The following SEMA3D variants were observed in gnomAD, a reference collection of about 807,000 sequenced individuals.
SEMA3D encodes the protein semaphorin 3D.
A neutral mutation model predicts 100.1 loss-of-function variants in SEMA3D; 84 were observed. That is an observed-to-expected ratio of 0.84 (90% CI 0.70 to 1.01). The LOEUF (loss-of-function observed/expected upper bound fraction) is 1.01. Among genes scored for constraint, SEMA3D ranks in the 50% least tolerant of loss-of-function variants. SEMA3D has a pLI of 0.00. For synonymous variants in SEMA3D, 312 were observed against 320.7 expected (o/e 0.97, Z 0.29); for missense variants, 875 against 934.1 (o/e 0.94, Z 0.82).
At chr7:85,145,641 C>T (rs116457728) in intron 2 of SEMA3D, among the ~76,000 whole-genome samples, 311 of 152,084 alleles carry the variant, frequency 2.0e-3, no homozygotes, top group African/African-American at 7.3e-3. Context: ...AAAAAAAAAT[C>T]TGGTGGAAAG....
At chr7:85,135,656 A>AAAAT (rs201274421) in intron 2 of SEMA3D, among the ~76,000 whole-genome samples, 36,312 of 147,398 alleles carry the variant, frequency 0.25, 4,645 homozygotes, top group East Asian at 0.37. Context: ...TAAGTATAAT[A>AAAAT]AAATAAATAA....
chr7:85,169,714 T>A (rs936715974), intron 1 of SEMA3D, among the ~76,000 whole-genome samples: 1 of 151,798 alleles, frequency 6.6e-6, no homozygotes, highest in Non-Finnish European at 1.5e-5. Flanking sequence ...AAAAATATTT[T>A]ACTGATGCTA....
chr7:85,150,441 G>GAT (rs1202578900), intron 2 of SEMA3D, among the ~76,000 whole-genome samples: 7 of 128,508 alleles, frequency 5.4e-5, no homozygotes, highest in South Asian at 2.5e-4. Context: ...TATTTACAGG[G>GAT]ATATATATAT....
chr7:85,127,804 C>T (rs886263597), intron 2 of SEMA3D, among the ~76,000 whole-genome samples: 3 of 152,216 alleles, frequency 2.0e-5, no homozygotes, highest in Admixed American at 6.5e-5. Flanking sequence ...TCAGATTAAT[C>T]GACAGCCCAA....
At chr7:85,042,412 T>G (rs1790889963) in intron 9 of SEMA3D, 127 bp from the exon 10 acceptor site, 1 of 677,142 alleles carries the variant, frequency 1.5e-6, no homozygotes, top group Non-Finnish European at 2.6e-6. Context: ...ACCCAGATAT[T>G]GAGTCCTTGA....
chr7:85,210,686 T>C, the SEMA3D span, among the ~76,000 whole-genome samples: 5 of 152,054 alleles, frequency 3.3e-5, no homozygotes, highest in African/African-American at 7.2e-5. Context: ...GAAGATACCA[T>C]ATTCAGAAAT....
At chr7:85,104,886 G>A (rs1467459091) in intron 3 of SEMA3D, among the ~76,000 whole-genome samples, 2 of 151,982 alleles carry the variant, frequency 1.3e-5, no homozygotes, top group Middle Eastern at 3.2e-3. Flanking sequence ...ATCAGCTTTG[G>A]AGAAGCTTAA....
Position 85,013,236 on chromosome 7 carries a change from C to T in SEMA3D, c.1704-390G>A, listed in dbSNP as rs144577788. On this transcript the variant is annotated intron_variant, in intron 16 of 18. Transcript: ENST00000284136. ...ATTGAGAAATAATAATATATAAAAGCGTTCAGTCAGTGGCTAGGAACATAT... is the reference window on the plus strand; with the variant it reads ...ATTGAGAAATAATAATATATAAAAGTGTTCAGTCAGTGGCTAGGAACATAT... 1.5e-3 allele frequency among the ~76,000 whole-genome samples: 231 copies of T among 151,740 alleles called. 1 individual carries two copies. The highest frequency in any genetic ancestry group is 2.5e-3 in the Non-Finnish European group (169 of 67,802).
At chr7:85,103,048 C>T (rs1322926747) in intron 3 of SEMA3D, among the ~76,000 whole-genome samples, 1 of 152,052 alleles carries the variant, frequency 6.6e-6, no homozygotes, top group African/African-American at 2.4e-5. Flanking sequence ...TTAGGCATTA[C>T]ATATTAAAAT....
At chr7:85,166,565 AAT>A (rs1790911761) in intron 1 of SEMA3D, among the ~76,000 whole-genome samples, 2 of 152,062 alleles carry the variant, frequency 1.3e-5, no homozygotes, top group Non-Finnish European at 2.9e-5. Flanking sequence ...TCCACACAGT[AAT>A]TTATTAAATA....
chr7:85,060,625 G>A (rs989950246), intron 8 of SEMA3D, among the ~76,000 whole-genome samples: 4 of 152,074 alleles, frequency 2.6e-5, no homozygotes, highest in African/African-American at 9.7e-5. Flanking sequence ...AAAGAACATG[G>A]CATAAACTCA....
intron 15 of SEMA3D, among the ~76,000 whole-genome samples, chr7:85,017,300 T>G (rs757185563): frequency 5.9e-5 from 9 of 151,836 alleles, no homozygotes; most frequent in Non-Finnish European, 1.2e-4. Context: ...TTCTAGACTC[T>G]ATTATTACTG....
chr7:85,194,293 T>C, the SEMA3D span, among the ~76,000 whole-genome samples: 112 of 152,284 alleles, frequency 7.4e-4, no homozygotes, highest in Middle Eastern at 0.01. Context: ...ATCTTAGTGA[T>C]AAAGCTTTGA....
intron 3 of SEMA3D, among the ~76,000 whole-genome samples, chr7:85,098,386 C>A (rs375019112): frequency 1.3e-5 from 2 of 151,758 alleles, no homozygotes; most frequent in Non-Finnish European, 2.9e-5. Context: ...TGTTCACATT[C>A]TTAAATTATC....
At chr7:85,202,983 T>C in the SEMA3D span, among the ~76,000 whole-genome samples, 2 of 152,146 alleles carry the variant, frequency 1.3e-5, no homozygotes, top group Non-Finnish European at 2.9e-5. Flanking sequence ...AATTGAAACG[T>C]TTTCATAGTA....
intron 4 of SEMA3D, among the ~76,000 whole-genome samples, chr7:85,096,421 AT>A (rs967202832): frequency 6.6e-6 from 1 of 151,888 alleles, no homozygotes; most frequent in African/African-American, 2.4e-5. Context: ...AGATACTTTA[AT>A]TTTTTTAAAG....
chr7:85,007,777 T>G (rs1000381428), intron 17 of SEMA3D, among the ~76,000 whole-genome samples: 2 of 151,744 alleles, frequency 1.3e-5, no homozygotes, highest in Non-Finnish European at 2.9e-5. Flanking sequence ...TATTCAGATA[T>G]CTCAATTTTA....
the SEMA3D span, among the ~76,000 whole-genome samples, chr7:85,235,648 T>C: frequency 6.6e-5 from 10 of 152,194 alleles, no homozygotes; most frequent in Non-Finnish European, 1.2e-4. Flanking sequence ...GATAAAGCAA[T>C]TTATATTCAT....
intron 1 of SEMA3D, among the ~76,000 whole-genome samples, chr7:85,185,243 G>A (rs1160628686): frequency 6.6e-6 from 1 of 151,982 alleles, no homozygotes; most frequent in Admixed American, 6.5e-5. Flanking sequence ...TTACACAATA[G>A]CAGCAGCACC....
Sources: allele counts gnomAD v4.1 joint callset (sites outside exome capture counted in the v4.1 genomes callset), GRCh38; gene constraint gnomAD v4.1.1; transcripts MANE v1.5; gene names NCBI Gene and HGNC (gene_info 2026-07-23, HGNC 2026-07-21).